The following TAS2R14 variants were observed in gnomAD, a reference collection of about 807,000 sequenced individuals.
The protein encoded by TAS2R14 is taste 2 receptor member 14, also known as taste receptor type 2 member 14.
For missense variants in TAS2R14, 383 were observed against 372.0 expected, an observed-to-expected ratio of 1.03 and a Z score of -0.24; for synonymous variants, 131 against 131.0, an observed-to-expected ratio of 1.00 and a Z score of 0.00.
At chr12:10,938,451 T>C in exon 1 of TAS2R14, 1 of 1,613,816 alleles carries the variant, frequency 6.2e-7, no homozygotes, top group Non-Finnish European at 8.5e-7. Flanking sequence ...CTTTCAGAGG[T>C]CCAAACTGAT....
exon 1 of TAS2R14, chr12:10,939,097 C>T: frequency 6.2e-7 from 1 of 1,613,900 alleles, no homozygotes; most frequent in South Asian, 1.1e-5. Flanking sequence ...TCTTTCTTCC[C>T]TTGACCCAGT....
At chr12:10,938,794 C>T (rs752433452) in exon 1 of TAS2R14, 87 of 1,613,060 alleles carry the variant, frequency 5.4e-5, no homozygotes, top group Admixed American at 2.7e-4. Context: ...ACAAGAAGAC[C>T]GAAGTCACAA....
At chr12:10,938,172 T>C in exon 1 of TAS2R14, 1 of 958,106 alleles carries the variant, frequency 1.0e-6, no homozygotes, top group South Asian at 1.8e-5. Context: ...CACAAAGTTA[T>C]ACACAATGAA....
chr12:10,938,235 T>C (rs1025986358), exon 1 of TAS2R14: 6 of 1,479,218 alleles, frequency 4.1e-6, no homozygotes, highest in Non-Finnish European at 5.5e-6. Flanking sequence ...TCTTAGGAGC[T>C]ATTTTTTTTC....
chr12:10,937,663 T>C (rs1950311183), exon 1 of TAS2R14: 1 of 152,156 alleles, frequency 6.6e-6, no homozygotes, highest in South Asian at 2.1e-4. Flanking sequence ...AATGGAGAAG[T>C]AAAATAATCA....
At chr12:10,938,914 C>T (rs1159003052) in intron 4 of TAS2R14, 1 of 1,613,970 alleles carries the variant, frequency 6.2e-7, no homozygotes, top group Non-Finnish European at 8.5e-7. Context: ...CTGTAGCTAA[C>T]CAGACACTAA....
exon 1 of TAS2R14, chr12:10,938,799 T>A: frequency 6.2e-7 from 1 of 1,613,344 alleles, no homozygotes; most frequent in Non-Finnish European, 8.5e-7. Context: ...AAGACCGAAG[T>A]CACAAGAAGC....
At chr12:10,938,885 A>C (rs749499243) in exon 1 of TAS2R14, 1 of 1,613,990 alleles carries the variant, frequency 6.2e-7, no homozygotes, top group South Asian at 1.1e-5. Context: ...TATCTTGAGA[A>C]AATAAAAAGT....
exon 1 of TAS2R14, chr12:10,937,573 C>T (rs548090230): frequency 3.3e-5 from 5 of 152,022 alleles, no homozygotes; most frequent in Admixed American, 1.3e-4. Flanking sequence ...ACAGCAGTTA[C>T]GATCAGGATT....
chr12:10,939,129 T>C (rs1405184046), exon 1 of TAS2R14: 7 of 1,602,482 alleles, frequency 4.4e-6, no homozygotes, highest in East Asian at 4.5e-5. Context: ...ACCAGTGCTA[T>C]GAAACTATTT....
chr12:10,938,850 G>A (rs764807523), exon 1 of TAS2R14: 1 of 1,613,602 alleles, frequency 6.2e-7, no homozygotes, highest in Admixed American at 1.7e-5. Flanking sequence ...TTTAGGTAGA[G>A]AAAAATAGAG....
chr12:10,938,625 G>A, exon 1 of TAS2R14: 1 of 1,613,792 alleles, frequency 6.2e-7, no homozygotes, highest in Non-Finnish European at 8.5e-7. Context: ...AACATTGCCA[G>A]GGACAAAGTA....
At chr12:10,937,503 A>C (rs756918289) in exon 1 of TAS2R14, 1 of 152,154 alleles carries the variant, frequency 6.6e-6, no homozygotes, top group Non-Finnish European at 1.5e-5. Flanking sequence ...AATTTATCTC[A>C]AAGCTAGAGT....
exon 1 of TAS2R14, chr12:10,938,332 C>G (rs1230021288): frequency 1.2e-6 from 2 of 1,614,010 alleles, no homozygotes; most frequent in Admixed American, 1.7e-5. Flanking sequence ...GTAGCACTGA[C>G]AGAGAGGCCT....
chr12:10,937,573 C>G lies in TAS2R14; in HGVS notation c.*681G>C, dbSNP rs548090230. ...ACTCCATTTGCAAAGACAGCAGTTA[C>G]GATCAGGATTACTTAACACTTTGAA... is the stretch of plus-strand genomic sequence containing the variant. On this transcript the variant is annotated 3_prime_UTR_variant, in exon 1 of 1. Coordinates refer to ENST00000537503, the Ensembl canonical transcript of TAS2R14. 2.6e-5 allele frequency: 4 copies of G among 152,140 alleles called. No individual in the cohort carries two copies. The South Asian group carries it at 8.3e-4, about 32-fold the overall frequency. The allele number at this position is 152,140 out of a possible 1,614,324, so 9.4% of individuals were successfully genotyped here. A position where few individuals can be genotyped will look rare whatever the true frequency, so the allele number is the denominator to read the frequency against.
chr12:10,939,091 TC>T (rs1421243612), intron 4 of TAS2R14: 1 of 1,614,032 alleles, frequency 6.2e-7, no homozygotes. Context: ...AAGAGATCTT[TC>T]TTCCCTTGAC....
exon 1 of TAS2R14, chr12:10,938,833 C>T (rs3741843): frequency 0.83 from 1,344,296 of 1,613,234 alleles, 564,470 homozygotes; most frequent in East Asian, 0.95. Context: ...CCTTTTTAAC[C>T]CTCCACTTTA....
rs760650571 is a variant in TAS2R14, at chr12:10,939,045, G to C, written c.163C>G (p.Arg55Gly). ...AATATTAACCAAACCAGGCTAATTC[G>C]AGAGATTGCCAAAGCAGTGAGGATC... The change falls in exon 1 of 1, where the codon CGA becomes GGA. Residue 55 changes from arginine (R) to glycine (G), a missense_variant. Transcript: ENST00000537503. 1.1e-5 allele frequency: 17 copies of C among 1,613,784 alleles called. No homozygotes were observed. The African/African-American group carries it at 2.0e-4, about 19-fold the overall frequency.
chr12:10,937,960 A>G (rs1394407666), exon 1 of TAS2R14: 1 of 258,022 alleles, frequency 3.9e-6, no homozygotes, highest in South Asian at 1.2e-4. Context: ...ACATACACAC[A>G]TGTATTTTAT....
Sources: gnomAD v4.1 joint callset for allele counts on GRCh38, gnomAD v4.1.1 for gene constraint, MANE v1.5 for transcripts, NCBI Gene and HGNC (gene_info 2026-07-23, HGNC 2026-07-21) for gene names.